Variants in RNF144A observed in about 807,000 individuals in gnomAD.
RNF144A encodes ring finger protein 144A, also known as E3 ubiquitin-protein ligase RNF144A.
In RNF144A, 11 loss-of-function variants were observed where a neutral mutation model predicts 38.7. The ratio of observed to expected loss-of-function variants is 0.28; its 90% confidence interval spans 0.18 to 0.47. The LOEUF is 0.47. Ranked by LOEUF, RNF144A falls within the 20% of genes least tolerant of loss-of-function variation. The probability of loss-of-function intolerance (pLI) is 0.99; values close to 1 mark genes in which losing one functional copy is unlikely to be tolerated. For missense variants in RNF144A, 316 were observed against 377.2 expected (o/e 0.84, Z 1.34); for synonymous variants, 149 against 143.9 (o/e 1.04, Z -0.25).
chr2:7,042,529 G>A lies in RNF144A; in HGVS notation c.*2769G>A. ...GCTGCTGTACTGCCGCCCAGGGTGGGTGGCCAGTGAGGACTGGCCTTAGCC... is the reference window on the plus strand; with the variant it reads ...GCTGCTGTACTGCCGCCCAGGGTGGATGGCCAGTGAGGACTGGCCTTAGCC... On this transcript the variant is annotated 3_prime_UTR_variant, in exon 9 of 9. Transcript: ENST00000320892. The A allele has an allele frequency of 1.0e-6, 1 of 985,508 alleles. No homozygotes were observed. Among genetic ancestry groups the A allele is most frequent in the Non-Finnish European group, 1.2e-6 (1 of 829,978 alleles). 61.0% of individuals were successfully genotyped at this position (985,508 alleles called of 1,614,324 possible).
intron 6 of RNF144A, among the ~76,000 whole-genome samples, chr2:7,055,066 C>G (rs950521239): frequency 1.3e-5 from 2 of 152,152 alleles, no homozygotes; most frequent in African/African-American, 4.8e-5. Context: ...GCTGGCACCT[C>G]CTCTTTGAAA....
chr2:6,956,610 T>C (rs116379100), intron 2 of RNF144A, among the ~76,000 whole-genome samples: 203 of 152,292 alleles, frequency 1.3e-3, no homozygotes, highest in African/African-American at 4.6e-3. Context: ...TCTGGGTCTC[T>C]TGGATCTTAG....
Position 7,040,508 on chromosome 2 carries a change from A to T in RNF144A, c.*748A>T. The T allele has an allele frequency of 1.0e-6, 1 of 985,456 alleles. No homozygotes were observed. Among genetic ancestry groups the T allele is most frequent in the Non-Finnish European group, 1.2e-6 (1 of 829,938 alleles). The allele number at this position is 985,456 out of a possible 1,614,324, so 61.0% of individuals were successfully genotyped here. On this transcript the variant is annotated 3_prime_UTR_variant, in exon 9 of 9. Transcript: ENST00000320892. ...ATTGACGTGTTTAAAGGAACATCTC[A>T]TCTCCATTAGATTTGCCTTTTGTTG...
At chr2:6,968,339 A>G (rs1328469548) in intron 2 of RNF144A, among the ~76,000 whole-genome samples, 2 of 152,172 alleles carry the variant, frequency 1.3e-5, no homozygotes, top group Non-Finnish European at 2.9e-5. Flanking sequence ...ACTTTCTTCT[A>G]TTATTTTGGT....
rs566736921 is a variant in RNF144A at position 6,920,170 on chromosome 2, G to T, written c.-212+2548G>T. 5.3e-5 allele frequency among the ~76,000 whole-genome samples: 8 copies of T among 152,332 alleles called. No individual in the cohort carries two copies. In the South Asian group the frequency reaches 1.5e-3, roughly 28 times the overall value. On this transcript the variant is annotated intron_variant, in intron 1 of 8. Transcript: ENST00000320892. ...CTCTGAGAACATTCTTTCCCCTGTG[G>T]TCCACCACGTGGCCCCACTGCCTAC... is the stretch of plus-strand genomic sequence containing the variant.
chr2:6,930,795 T>C (rs1178565042), intron 1 of RNF144A, among the ~76,000 whole-genome samples: 1 of 152,054 alleles, frequency 6.6e-6, no homozygotes, highest in Non-Finnish European at 1.5e-5. Flanking sequence ...GGATTTGCCA[T>C]GTTGCCCGGG....
intron 8 of RNF144A, among the ~76,000 whole-genome samples, chr2:7,036,016 G>A (rs1481409253): frequency 6.6e-6 from 1 of 152,212 alleles, no homozygotes; most frequent in African/African-American, 2.4e-5. Context: ...ACCGCACGGT[G>A]GGCAGATGTC....
chr2:7,049,607 T>C (rs1293474933), intron 6 of RNF144A, among the ~76,000 whole-genome samples: 1 of 152,234 alleles, frequency 6.6e-6, no homozygotes, highest in Non-Finnish European at 1.5e-5. Flanking sequence ...TGGATCTTTT[T>C]CTCATTTCTG....
At position 6,944,137 on chromosome 2, in the gene RNF144A, C is replaced by A. The variant is rs528120310; in HGVS notation, c.-12+2990C>A. Among the ~76,000 whole-genome samples, 1 of 152,036 alleles carries A rather than the reference C, an allele frequency of 6.6e-6. No individual in the cohort carries two copies. The highest frequency in any genetic ancestry group is 2.1e-4 in the South Asian group (1 of 4,822). On this transcript the variant is annotated intron_variant, in intron 2 of 8. Transcript: ENST00000320892. The surrounding 1 kb of genome is among the most constrained non-coding windows in gnomAD (Gnocchi z 4.7). ...GAGACAGGGAAGTGAGGAGAGAGGA[C>A]AGCGGGTCTGAGGGAGGAAGGAGCA...
intron 2 of RNF144A, among the ~76,000 whole-genome samples, chr2:6,981,496 A>G (rs1012326260): frequency 2.6e-5 from 4 of 152,208 alleles, no homozygotes; most frequent in African/African-American, 9.7e-5. Context: ...AAAGTTCCAC[A>G]GATCTCTAGG....
In RNF144A at chr2:6,931,313, A is replaced by G. The variant is rs78667748; in HGVS notation, c.-211-9635A>G. ...CTAAAGTGAGAATTGTACCAGGGTT[A>G]CTTCTTTTGTGGGAATCCTCTGAGG... On this transcript the variant is annotated intron_variant, in intron 1 of 8. Transcript: ENST00000320892. 6.2e-3 allele frequency among the ~76,000 whole-genome samples: 949 copies of G among 152,366 alleles called. 3 individuals carry two copies. Among genetic ancestry groups the G allele is most frequent in the Admixed American group, 9.9e-3 (152 of 15,306 alleles).
At chr2:7,020,743 TTTC>T in intron 6 of RNF144A, 63 bp downstream of exon 6, 1 of 1,492,988 alleles carries the variant, frequency 6.7e-7, no homozygotes. Flanking sequence ...GCAGGCATGC[TTTC>T]TTCCTAAAAG....
intron 6 of RNF144A, chr2:7,062,913 TG>T (rs751008097): frequency 5.9e-5 from 9 of 152,234 alleles, no homozygotes; most frequent in Non-Finnish European, 8.8e-5. Context: ...ACTCTTCTTT[TG>T]CTGGAACAAA....
chr2:6,966,829 G>C (rs748303947), intron 2 of RNF144A, among the ~76,000 whole-genome samples: 2 of 152,158 alleles, frequency 1.3e-5, no homozygotes, highest in Non-Finnish European at 2.9e-5. Flanking sequence ...GGCGATTCTT[G>C]AGCTGCTGTT....
chr2:7,010,550 TTC>T (rs1422613075), intron 3 of RNF144A, among the ~76,000 whole-genome samples: 1 of 152,168 alleles, frequency 6.6e-6, no homozygotes, highest in Non-Finnish European at 1.5e-5. Flanking sequence ...AGGCAGATAT[TTC>T]TCTGTGGCCA....
chr2:6,932,301 C>T (rs189950953), intron 1 of RNF144A, among the ~76,000 whole-genome samples: 1 of 152,072 alleles, frequency 6.6e-6, no homozygotes, highest in Non-Finnish European at 1.5e-5. Flanking sequence ...CATGAATCTT[C>T]CTATTTGAAG....
rs1048339026 is a variant in RNF144A at position 7,027,659 on chromosome 2, C to T, written c.658-2467C>T. Reference sequence around the variant, plus strand: ...CTTTCACCAGCCCTCTCCCTGATTGCGGCTTCCCGGAGCTTGCACCATTGT... The same window carrying T: ...CTTTCACCAGCCCTCTCCCTGATTGTGGCTTCCCGGAGCTTGCACCATTGT... On this transcript the variant is annotated intron_variant, in intron 7 of 8. Transcript: ENST00000320892. 5.3e-5 allele frequency among the ~76,000 whole-genome samples: 8 copies of T among 152,212 alleles called. No individual in the cohort carries two copies. In the South Asian group the frequency reaches 8.3e-4, roughly 16 times the overall value.
At chr2:6,971,146 A>G (rs962325428) in intron 2 of RNF144A, among the ~76,000 whole-genome samples, 15 of 152,176 alleles carry the variant, frequency 9.9e-5, no homozygotes, top group African/African-American at 2.6e-4. Context: ...TGGGTTTCCT[A>G]TTGTTCTTTG....
chr2:6,957,724 G>A (rs1667098876), intron 2 of RNF144A, among the ~76,000 whole-genome samples: 1 of 152,216 alleles, frequency 6.6e-6, no homozygotes, highest in Admixed American at 6.5e-5. Context: ...CTAGGCCTCT[G>A]CTGAGATCCT....
Sources: gnomAD v4.1 joint callset for allele counts (sites outside exome capture counted in the v4.1 genomes callset) on GRCh38, gnomAD v4.1.1 for gene constraint, Gnocchi (gnomAD v3.1) non-coding constraint, MANE v1.5 for transcripts, NCBI Gene and HGNC (gene_info 2026-07-23, HGNC 2026-07-21) for gene names.